The following MOB3B variants were observed in gnomAD, a reference collection of about 807,000 sequenced individuals.
MOB3B encodes MOB kinase activator-like 2B.
A neutral mutation model predicts 18.7 loss-of-function variants in MOB3B; 7 were observed. That is an observed-to-expected ratio of 0.37 (90% confidence interval 0.21 to 0.70). MOB3B has a LOEUF of 0.70. Among genes scored for constraint, MOB3B ranks in the 30% least tolerant of loss-of-function variants. The pLI is 0.52. For synonymous variants in MOB3B, 111 were observed against 99.9 expected (o/e 1.11, Z -0.66); for missense variants, 253 against 281.3 (o/e 0.90, Z 0.72).
At chr9:27,403,268 C>T (rs973315068) in intron 2 of MOB3B, among the ~76,000 whole-genome samples, 2 of 152,138 alleles carry the variant, frequency 1.3e-5, no homozygotes, top group African/African-American at 2.4e-5. Context: ...AGATTGAAGT[C>T]ACATTTAGGG....
intron 1 of MOB3B, among the ~76,000 whole-genome samples, chr9:27,494,766 G>A (rs1441908597): frequency 1.3e-5 from 2 of 151,996 alleles, no homozygotes; most frequent in Non-Finnish European, 2.9e-5. Flanking sequence ...ACCCACCTTG[G>A]CCTCCCTAAG....
chr9:27,362,081 T>A (rs1821282742), intron 2 of MOB3B, among the ~76,000 whole-genome samples: 1 of 152,158 alleles, frequency 6.6e-6, no homozygotes, highest in Non-Finnish European at 1.5e-5. Context: ...AGCGGCTCTG[T>A]TCCCCCCATC....
intron 2 of MOB3B, among the ~76,000 whole-genome samples, chr9:27,365,364 C>CTTTT (rs55691019): frequency 6.0e-5 from 7 of 116,484 alleles, no homozygotes; most frequent in South Asian, 3.0e-4. Flanking sequence ...TCCTTCTTCT[C>CTTTT]TTTTTTTTTT....
intron 2 of MOB3B, among the ~76,000 whole-genome samples, chr9:27,361,418 G>A (rs1219212092): frequency 6.6e-6 from 1 of 152,156 alleles, no homozygotes; most frequent in Non-Finnish European, 1.5e-5. Context: ...AAAGGGGATG[G>A]GGACAGAAGA....
intron 1 of MOB3B, among the ~76,000 whole-genome samples, chr9:27,496,046 A>C (rs1393150716): frequency 1.3e-5 from 2 of 152,214 alleles, no homozygotes; most frequent in African/African-American, 4.8e-5. Flanking sequence ...TAGAAGCGTT[A>C]TCTCTCTATG....
chr9:27,426,421 T>C (rs1166946829), intron 2 of MOB3B, among the ~76,000 whole-genome samples: 2 of 152,206 alleles, frequency 1.3e-5, no homozygotes, highest in African/African-American at 2.4e-5. Context: ...ACACTGTTTT[T>C]CAAGCCTGCA....
chr9:27,389,038 A>G (rs1821689226), intron 2 of MOB3B, among the ~76,000 whole-genome samples: 1 of 152,214 alleles, frequency 6.6e-6, no homozygotes, highest in Non-Finnish European at 1.5e-5. Flanking sequence ...TTTAAAAATA[A>G]TAATTAAAGC....
chr9:27,353,871 G>T (rs1178454549), intron 3 of MOB3B, among the ~76,000 whole-genome samples: 1 of 152,232 alleles, frequency 6.6e-6, no homozygotes, highest in Non-Finnish European at 1.5e-5. Context: ...GCAGCCAAGG[G>T]CCAACAGCAG....
At chr9:27,463,193 G>A (rs1819320577) in intron 1 of MOB3B, among the ~76,000 whole-genome samples, 1 of 152,128 alleles carries the variant, frequency 6.6e-6, no homozygotes, top group Non-Finnish European at 1.5e-5. Context: ...ATCTTAGGAT[G>A]CCTAAAATTC....
chr9:27,377,583 T>C (rs1326679654), intron 2 of MOB3B, among the ~76,000 whole-genome samples: 1 of 152,056 alleles, frequency 6.6e-6, no homozygotes, highest in Non-Finnish European at 1.5e-5. Context: ...CCCCCAGAGT[T>C]TCAGTGAGTC....
intron 1 of MOB3B, among the ~76,000 whole-genome samples, chr9:27,456,936 C>T (rs1370638205): frequency 6.6e-6 from 1 of 152,172 alleles, no homozygotes; most frequent in East Asian, 1.9e-4. Flanking sequence ...CTTCGATGCC[C>T]TCTTCTCCAC....
intron 2 of MOB3B, among the ~76,000 whole-genome samples, chr9:27,444,489 T>C (rs754321961): frequency 6.6e-6 from 1 of 152,232 alleles, no homozygotes; most frequent in Non-Finnish European, 1.5e-5. Flanking sequence ...TAGGTACATA[T>C]ATGAAAAAGT....
chr9:27,370,354 C>T (rs1245375525), intron 2 of MOB3B, among the ~76,000 whole-genome samples: 4 of 151,922 alleles, frequency 2.6e-5, no homozygotes, highest in Non-Finnish European at 5.9e-5. Context: ...ACTAAAAATA[C>T]AAAATTAGCC....
chr9:27,529,533 C>G, intron 1 of MOB3B, 22 bp downstream of exon 1: 2 of 985,148 alleles, frequency 2.0e-6, no homozygotes, highest in Non-Finnish European at 2.4e-6. Flanking sequence ...CCTCCCCTAG[C>G]TTGGAGCGGG....
intron 1 of MOB3B, among the ~76,000 whole-genome samples, chr9:27,456,759 T>C (rs1027042531): frequency 3.3e-5 from 5 of 152,224 alleles, no homozygotes; most frequent in Non-Finnish European, 7.3e-5. Context: ...AAATGTGTTA[T>C]ATCTATGGTG....
chr9:27,399,250 T>C, intron 2 of MOB3B, among the ~76,000 whole-genome samples: 1 of 152,118 alleles, frequency 6.6e-6, no homozygotes, highest in African/African-American at 2.4e-5. Flanking sequence ...CACTTCCCAG[T>C]GGGGCCCTGA....
intron 3 of MOB3B, among the ~76,000 whole-genome samples, chr9:27,349,809 G>T (rs76671890): frequency 0.011 from 1,674 of 152,276 alleles, 42 homozygotes; most frequent in African/African-American, 0.039. Flanking sequence ...GAGAGAAGTG[G>T]CTTAGCAAAG....
intron 2 of MOB3B, among the ~76,000 whole-genome samples, chr9:27,408,995 A>C (rs1405482032): frequency 6.6e-6 from 1 of 152,212 alleles, no homozygotes; most frequent in African/African-American, 2.4e-5. Context: ...AGTGCTCACT[A>C]TGTGCCAACC....
chr9:27,469,412 G>A (rs1288851062), intron 1 of MOB3B, among the ~76,000 whole-genome samples: 6 of 152,142 alleles, frequency 3.9e-5, no homozygotes, highest in Admixed American at 3.9e-4. Context: ...TTCAGTGACA[G>A]CATCCTGGCC....
Sources: allele counts gnomAD v4.1 joint callset (sites outside exome capture counted in the v4.1 genomes callset), GRCh38; gene constraint gnomAD v4.1.1; transcripts MANE v1.5; gene names NCBI Gene and HGNC (gene_info 2026-07-23, HGNC 2026-07-21).